PDGFC: variants seen among roughly 807,000 people sequenced by gnomAD.
PDGFC encodes platelet derived growth factor C, also known as platelet-derived growth factor C.
PDGFC carries 12 observed loss-of-function variants against 35.5 expected under a neutral mutation model. The ratio of observed to expected loss-of-function variants is 0.34; its 90% CI spans 0.22 to 0.55. PDGFC has a LOEUF of 0.55. Among genes scored for constraint, PDGFC ranks in the 20% least tolerant of loss-of-function variants. The probability of loss-of-function intolerance (pLI) is 0.91; values close to 1 mark genes in which losing one functional copy is unlikely to be tolerated. For missense variants in PDGFC, 322 were observed against 412.4 expected, an observed-to-expected ratio of 0.78 and a Z score of 1.90; for synonymous variants, 159 against 148.8, an observed-to-expected ratio of 1.07 and a Z score of -0.50.
intron 1 of PDGFC, among the ~76,000 whole-genome samples, chr4:156,927,050 G>C (rs1290305463): frequency 6.6e-6 from 1 of 152,166 alleles, no homozygotes; most frequent in Non-Finnish European, 1.5e-5. Context: ...ACACATGCAG[G>C]CACAAAACCA....
At chr4:156,799,602 C>A (rs2110909520) in intron 3 of PDGFC, among the ~76,000 whole-genome samples, 1 of 152,222 alleles carries the variant, frequency 6.6e-6, no homozygotes, top group South Asian at 2.1e-4. Context: ...CAATTTTATT[C>A]TCCTATTTCT....
chr4:156,940,979 C>G (rs2110906580), intron 1 of PDGFC, among the ~76,000 whole-genome samples: 1 of 152,198 alleles, frequency 6.6e-6, no homozygotes, highest in Non-Finnish European at 1.5e-5. Flanking sequence ...TATGTTTGAA[C>G]TTTCTTGGCT....
chr4:156,961,434 T>G (rs1204866370), intron 1 of PDGFC, among the ~76,000 whole-genome samples: 1 of 152,134 alleles, frequency 6.6e-6, no homozygotes, highest in Admixed American at 6.5e-5. Context: ...ATTTCTATCA[T>G]GCAAACATTG....
intron 1 of PDGFC, among the ~76,000 whole-genome samples, chr4:156,868,822 A>G (rs560674021): frequency 6.6e-6 from 1 of 152,244 alleles, no homozygotes; most frequent in African/African-American, 2.4e-5. Flanking sequence ...TCAAGATTCT[A>G]TCCTCCGTCT....
rs192054098 is a variant in PDGFC, at chr4:156,948,647, T to A, written c.118+22139A>T. Among the ~76,000 whole-genome samples the A allele has an allele frequency of 9.2e-5, 14 of 152,058 alleles. No individual in the cohort carries two copies. The East Asian group carries it at 2.5e-3, about 27-fold the overall frequency. ...AGTAATATAAGCTTACTATAGGAAA[T>A]TTGGAAAATACTATGTATTTTAGAA... On this transcript the variant is annotated intron_variant, in intron 1 of 5. Transcript: ENST00000502773.
At chr4:156,919,258 G>A (rs1328474007) in intron 1 of PDGFC, among the ~76,000 whole-genome samples, 4 of 152,084 alleles carry the variant, frequency 2.6e-5, no homozygotes, top group Admixed American at 6.6e-5. Context: ...AACTGACAAC[G>A]GAATACAGGA....
intron 5 of PDGFC, 107 bp downstream of exon 5, chr4:156,767,666 C>T (rs1346903190): frequency 2.9e-6 from 2 of 688,844 alleles, no homozygotes; most frequent in Non-Finnish European, 5.0e-6. Flanking sequence ...TTTTTTTCCC[C>T]ATGAATACTA....
At chr4:156,765,247 C>A (rs1730491332) in intron 5 of PDGFC, among the ~76,000 whole-genome samples, 1 of 152,108 alleles carries the variant, frequency 6.6e-6, no homozygotes, top group Admixed American at 6.6e-5. Context: ...GGAAAATGAT[C>A]AGCAGGTCCC....
At position 156,810,771 on chromosome 4, in the gene PDGFC, G is replaced by C. The variant is rs1045390559; in HGVS notation, c.495+66C>G. ...TTTTTTCTGATTCTCATGTGTAAGAGGAGAAAAATAAAAAGAAACAAAAAG... is the reference window on the plus strand; with the variant it reads ...TTTTTTCTGATTCTCATGTGTAAGACGAGAAAAATAAAAAGAAACAAAAAG... On this transcript the variant is annotated intron_variant, in intron 3 of 5. Coordinates refer to ENST00000502773, the MANE Select transcript of PDGFC (RefSeq NM_016205.3). 1.5e-4 allele frequency: 146 copies of C among 999,166 alleles called. No homozygotes were observed. The Admixed American group carries it at 3.7e-3, about 25-fold the overall frequency. The allele number at this position is 999,166 out of a possible 1,614,324, so 61.9% of individuals were successfully genotyped here.
chr4:156,777,550 A>G (rs1455003191), intron 3 of PDGFC, among the ~76,000 whole-genome samples: 1 of 152,180 alleles, frequency 6.6e-6, no homozygotes, highest in Non-Finnish European at 1.5e-5. Context: ...GAAAATGAAC[A>G]TCTACAAGTA....
chr4:156,868,150 G>A (rs1411691242), intron 1 of PDGFC, among the ~76,000 whole-genome samples: 1 of 152,160 alleles, frequency 6.6e-6, no homozygotes, highest in Non-Finnish European at 1.5e-5. Flanking sequence ...CAAAAGTAAT[G>A]TGATAAAAGG....
chr4:156,833,579 C>CT (rs1298196443), intron 2 of PDGFC, among the ~76,000 whole-genome samples: 4 of 152,178 alleles, frequency 2.6e-5, no homozygotes, highest in Non-Finnish European at 5.9e-5. Context: ...AATTTACACT[C>CT]TTTAACAAGG....
chr4:156,803,748 T>C (rs1392978549), intron 3 of PDGFC, among the ~76,000 whole-genome samples: 1 of 152,056 alleles, frequency 6.6e-6, no homozygotes, highest in African/African-American at 2.4e-5. Flanking sequence ...AAATTAAATG[T>C]AAAAAATGTA....
intron 3 of PDGFC, among the ~76,000 whole-genome samples, chr4:156,793,993 G>T (rs771242365): frequency 3.7e-4 from 56 of 152,148 alleles, no homozygotes; most frequent in Non-Finnish European, 6.5e-4. Context: ...TACCTTAGTA[G>T]CATCCAAGGT....
At chr4:156,934,193 C>T (rs1731622237) in intron 1 of PDGFC, among the ~76,000 whole-genome samples, 1 of 152,136 alleles carries the variant, frequency 6.6e-6, no homozygotes, top group Non-Finnish European at 1.5e-5. Flanking sequence ...ATAGAGCATG[C>T]TTAAACAAAC....
intron 1 of PDGFC, among the ~76,000 whole-genome samples, chr4:156,900,037 A>T (rs751150175): frequency 6.6e-6 from 1 of 152,226 alleles, no homozygotes; most frequent in African/African-American, 2.4e-5. Context: ...AATAAATATT[A>T]TTCATCTATA....
At chr4:156,947,261 T>C (rs558397886) in intron 1 of PDGFC, among the ~76,000 whole-genome samples, 4 of 152,010 alleles carry the variant, frequency 2.6e-5, no homozygotes, top group Non-Finnish European at 4.4e-5. Context: ...CCCTCTGCTA[T>C]GGATGGACTA....
At chr4:156,912,382 G>A (rs895465705) in intron 1 of PDGFC, among the ~76,000 whole-genome samples, 10 of 152,040 alleles carry the variant, frequency 6.6e-5, no homozygotes, top group African/African-American at 2.2e-4. Context: ...ATGCTCAAAT[G>A]CACAAATGCT....
intron 2 of PDGFC, among the ~76,000 whole-genome samples, chr4:156,824,285 C>CATATATATATATATATATAT (rs58698115): frequency 4.3e-5 from 4 of 92,874 alleles, no homozygotes; most frequent in Non-Finnish European, 6.1e-5. Context: ...ACAATGTAAG[C>CATATATATATATATATATAT]ATATATATAT....
Sources: gnomAD v4.1 joint callset for allele counts (sites outside exome capture counted in the v4.1 genomes callset) on GRCh38, gnomAD v4.1.1 for gene constraint, MANE v1.5 for transcripts, NCBI Gene and HGNC (gene_info 2026-07-23, HGNC 2026-07-21) for gene names.